Variants in CSMD1 observed in about 807,000 individuals in gnomAD.
CSMD1 encodes the protein CUB and Sushi multiple domains 1, also known as CUB and sushi domain-containing protein 1.
A neutral mutation model predicts 417.5 loss-of-function variants in CSMD1; 213 were observed. That is an observed-to-expected ratio of 0.51 (90% CI 0.46 to 0.57). CSMD1 has a LOEUF of 0.57. CSMD1 is among the 20% of genes least tolerant of loss of function. The pLI, the probability that CSMD1 is intolerant of heterozygous loss-of-function variation, is 0.00. For synonymous variants in CSMD1, 2,862 were observed against 1,736.8 expected (o/e 1.65, Z -16.11); for missense variants, 6,923 against 4,529.7 (o/e 1.53, Z -15.17).
chr8:4,148,225 C>A (rs1020200101), intron 3 of CSMD1, among the ~76,000 whole-genome samples: 3 of 151,734 alleles, frequency 2.0e-5, no homozygotes, highest in Non-Finnish European at 4.4e-5. Flanking sequence ...ATAGACTGGG[C>A]AACTTTAAAA....
intron 50 of CSMD1, among the ~76,000 whole-genome samples, chr8:3,048,201 G>A (rs973153966): frequency 6.6e-6 from 1 of 152,188 alleles, no homozygotes; most frequent in Admixed American, 6.5e-5. Flanking sequence ...AAATAGGTCA[G>A]TATAAATATT....
At chr8:2,975,686 A>G (rs1022254722) in intron 55 of CSMD1, among the ~76,000 whole-genome samples, 2 of 152,234 alleles carry the variant, frequency 1.3e-5, no homozygotes, top group Admixed American at 6.5e-5. Flanking sequence ...AATAAAATTT[A>G]TATCTTATTT....
intron 1 of CSMD1, among the ~76,000 whole-genome samples, chr8:4,890,817 CG>C (rs1160956439): frequency 6.6e-6 from 1 of 152,090 alleles, no homozygotes; most frequent in Admixed American, 6.5e-5. Context: ...ACGCTTTTGT[CG>C]ACATTAAGAT....
intron 1 of CSMD1, among the ~76,000 whole-genome samples, chr8:4,786,088 G>A (rs1204628719): frequency 6.6e-6 from 1 of 150,658 alleles, no homozygotes; most frequent in Admixed American, 6.7e-5. Context: ...TGGCTACTGT[G>A]CAGATGTGTA....
chr8:3,511,994 T>C lies in CSMD1; in HGVS notation c.1345-18268A>G, dbSNP rs187298886. ...CAGTCACAGTGAGGACTCATGAGTT[T>C]ACAACGTTTCATTTCTCCAGGCCCC... On this transcript the variant is annotated intron_variant, in intron 10 of 69. Coordinates refer to ENST00000635120, the MANE Select transcript of CSMD1 (RefSeq NM_033225.6). Among the ~76,000 whole-genome samples the C allele has an allele frequency of 5.4e-3, 821 of 152,136 alleles. 10 individuals carry two copies. Among genetic ancestry groups the C allele is most frequent in the African/African-American group, 0.019 (798 of 41,528 alleles).
At chr8:3,472,856 C>T (rs1380102360) in intron 11 of CSMD1, among the ~76,000 whole-genome samples, 1 of 151,928 alleles carries the variant, frequency 6.6e-6, no homozygotes, top group African/African-American at 2.4e-5. Flanking sequence ...CTTTTCATGT[C>T]ACCAGTCATC....
chr8:3,577,170 T>G (rs913735619), intron 9 of CSMD1, among the ~76,000 whole-genome samples: 4 of 152,196 alleles, frequency 2.6e-5, no homozygotes, highest in African/African-American at 9.7e-5. Flanking sequence ...CCTAGGTGCC[T>G]GCTGTGAAGC....
chr8:3,633,345 A>G (rs944914912), intron 7 of CSMD1, among the ~76,000 whole-genome samples: 2 of 152,208 alleles, frequency 1.3e-5, no homozygotes, highest in Non-Finnish European at 2.9e-5. Flanking sequence ...CACTGTGTCA[A>G]AGGTGTCTTT....
chr8:4,899,835 G>C (rs534460296), intron 1 of CSMD1, among the ~76,000 whole-genome samples: 29 of 152,128 alleles, frequency 1.9e-4, no homozygotes, highest in Non-Finnish European at 3.8e-4. Context: ...CAAATAAGCA[G>C]GTCTTGCAGA....
At chr8:4,938,770 T>A (rs746711480) in intron 1 of CSMD1, among the ~76,000 whole-genome samples, 5 of 152,184 alleles carry the variant, frequency 3.3e-5, no homozygotes, top group South Asian at 2.1e-4. Context: ...GGCCTGTGGG[T>A]CAAGAAGTGC....
chr8:4,010,561 G>A (rs1371854133), intron 4 of CSMD1, among the ~76,000 whole-genome samples: 1 of 151,914 alleles, frequency 6.6e-6, no homozygotes, highest in Non-Finnish European at 1.5e-5. Context: ...CTACCAGTAA[G>A]GCATCAGTTT....
chr8:4,398,612 G>A (rs1051658379), intron 3 of CSMD1, among the ~76,000 whole-genome samples: 1 of 151,928 alleles, frequency 6.6e-6, no homozygotes, highest in Non-Finnish European at 1.5e-5. Context: ...AGCCAGGATT[G>A]TCTCGATCTC....
chr8:4,234,365 A>C (rs1460869689), intron 3 of CSMD1, among the ~76,000 whole-genome samples: 1 of 152,050 alleles, frequency 6.6e-6, no homozygotes, highest in Non-Finnish European at 1.5e-5. Context: ...TCTCTGCAGG[A>C]GTGGAAGATG....
intron 25 of CSMD1, among the ~76,000 whole-genome samples, chr8:3,293,187 A>G (rs113599042): frequency 0.087 from 13,295 of 152,154 alleles, 770 homozygotes; most frequent in Non-Finnish European, 0.13. Context: ...GTTTTTGCCG[A>G]GAGATCCGCT....
At chr8:4,118,702 G>C (rs1034894097) in intron 3 of CSMD1, among the ~76,000 whole-genome samples, 9 of 152,108 alleles carry the variant, frequency 5.9e-5, no homozygotes, top group African/African-American at 1.9e-4. Context: ...CAAGGATCTA[G>C]AACTAGAAAT....
chr8:4,612,782 C>T (rs1013487740), intron 2 of CSMD1, among the ~76,000 whole-genome samples: 1 of 152,138 alleles, frequency 6.6e-6, no homozygotes, highest in South Asian at 2.1e-4. Context: ...CAACAAACAG[C>T]ACCAGTAACA....
chr8:3,557,793 CT>C (rs1338158913), intron 10 of CSMD1, among the ~76,000 whole-genome samples: 6 of 152,134 alleles, frequency 3.9e-5, no homozygotes, highest in African/African-American at 1.4e-4. Context: ...CAGATAGAGT[CT>C]TTGGTTGTTT....
intron 1 of CSMD1, among the ~76,000 whole-genome samples, chr8:4,885,795 T>G (rs1395321868): frequency 6.6e-6 from 1 of 152,030 alleles, no homozygotes; most frequent in Non-Finnish European, 1.5e-5. Flanking sequence ...GTGCAAAGTT[T>G]TGAGTTCTGA....
At position 4,200,090 on chromosome 8, in the gene CSMD1, G is replaced by A. The variant is rs187607586; in HGVS notation, c.416-167991C>T. On this transcript the variant is annotated intron_variant, in intron 3 of 69. Coordinates refer to ENST00000635120, the MANE Select transcript of CSMD1 (RefSeq NM_033225.6). ...CAAATCATCCTCTTTATATTTTTATGTAATAAGTTATTTGAGATTATAACA... is the reference window on the plus strand; with the variant it reads ...CAAATCATCCTCTTTATATTTTTATATAATAAGTTATTTGAGATTATAACA... Among the ~76,000 whole-genome samples the A allele has an allele frequency of 2.1e-3, 318 of 152,238 alleles. 1 individual carries two copies. The highest frequency in any genetic ancestry group is 3.5e-3 in the Non-Finnish European group (240 of 67,998).
Sources: allele counts gnomAD v4.1 joint callset (sites outside exome capture counted in the v4.1 genomes callset), GRCh38; gene constraint gnomAD v4.1.1; transcripts MANE v1.5; gene names NCBI Gene and HGNC (gene_info 2026-07-23, HGNC 2026-07-21).